Variants in DAPK2 observed in about 807,000 individuals in gnomAD.
DAPK2 encodes death-associated protein kinase 2.
DAPK2 carries 35 observed loss-of-function variants against 44.1 expected under a neutral mutation model. The ratio of observed to expected loss-of-function variants is 0.79; its 90% CI spans 0.61 to 1.05. The LOEUF (loss-of-function observed/expected upper bound fraction) is 1.05, where lower values mean the gene tolerates loss of function less well. DAPK2 is among the 50% of genes least tolerant of loss of function. DAPK2 has a pLI of 0.00. For missense variants in DAPK2, 453 were observed against 483.2 expected (o/e 0.94, Z 0.59); for synonymous variants, 174 against 182.6 (o/e 0.95, Z 0.38).
At position 63,917,807 on chromosome 15, in the gene DAPK2, C is replaced by G. The variant is rs2078967857; in HGVS notation, c.859-5610G>C. 1 of 152,146 alleles carries G rather than the reference C, an allele frequency of 6.6e-6. No homozygotes were observed. Among genetic ancestry groups the G allele is most frequent in the Non-Finnish European group, 1.5e-5 (1 of 68,056 alleles). 9.4% of individuals were successfully genotyped at this position (152,146 alleles called of 1,614,324 possible). ...GTGGGGACGGCGTCCCTGGGAAGGC[C>G]TCTCTTCTCTGCAACCCTCTTACCC... is the stretch of plus-strand genomic sequence containing the variant. On this transcript the variant is annotated intron_variant, in intron 8 of 10. Coordinates refer to ENST00000261891, the Ensembl canonical transcript of DAPK2. This position sits in a 1 kb window ranked among gnomAD's most constrained non-coding sequence, Gnocchi z 4.4.
chr15:64,005,005 A>T (rs1290976837), intron 1 of DAPK2, among the ~76,000 whole-genome samples: 1 of 152,194 alleles, frequency 6.6e-6, no homozygotes, highest in Non-Finnish European at 1.5e-5. Context: ...CTAGCACTTA[A>T]GTAAGGATGA....
chr15:63,911,968 C>T (rs1445614710), exon 10 of DAPK2: 1 of 1,613,882 alleles, frequency 6.2e-7, no homozygotes, highest in East Asian at 2.2e-5. Flanking sequence ...GGTGGTTGCA[C>T]AGGGACACGA....
chr15:63,940,668 T>C (rs1295337641), intron 3 of DAPK2, among the ~76,000 whole-genome samples: 1 of 151,994 alleles, frequency 6.6e-6, no homozygotes, highest in Non-Finnish European at 1.5e-5. Context: ...ACCAAGATCG[T>C]GCCACTGCAC....
At chr15:63,979,555 C>A (rs12911272) in intron 2 of DAPK2, among the ~76,000 whole-genome samples, 142,494 of 152,266 alleles carry the variant, frequency 0.94, 66,706 homozygotes, top group East Asian at 0.98. Flanking sequence ...CTATTAGGGC[C>A]CAGTGAGGAC....
At position 63,980,817 on chromosome 15, in the gene DAPK2, C is replaced by T. The variant is rs189475373; in HGVS notation, c.314+2716G>A. Among the ~76,000 whole-genome samples the T allele has an allele frequency of 2.7e-4, 41 of 152,156 alleles. No individual in the cohort carries two copies. The highest frequency in any genetic ancestry group is 9.2e-4 in the African/African-American group (38 of 41,514). ...TTTAAGACGTGATTGGGTCGGGGTG[C>T]GGTGGCTCACGCCTGTAATCCCAAC... On this transcript the variant is annotated intron_variant, in intron 2 of 10. Transcript: ENST00000261891. This position sits in a 1 kb window ranked among gnomAD's most constrained non-coding sequence, Gnocchi z 4.3.
intron 4 of DAPK2, among the ~76,000 whole-genome samples, chr15:63,938,901 G>A (rs962590320): frequency 6.6e-6 from 1 of 152,160 alleles, no homozygotes; most frequent in Non-Finnish European, 1.5e-5. Context: ...TCAAGAGGGC[G>A]AGGTAATTTT....
intron 4 of DAPK2, among the ~76,000 whole-genome samples, chr15:63,938,768 T>C (rs1433084486): frequency 6.6e-6 from 1 of 152,204 alleles, no homozygotes; most frequent in Non-Finnish European, 1.5e-5. Flanking sequence ...GGCACCCCCA[T>C]GCATGAATAA....
rs1175432400 is a variant in DAPK2, at chr15:64,036,309, GTA to G, written c.92+3859_92+3860del. ...TGTGTGTGTGTGTGTGTGTGTGTGT[GTA>G]TATATATGTATATATATATATATAT... On this transcript the variant is annotated intron_variant, in intron 1 of 10. Coordinates refer to ENST00000261891, the Ensembl canonical transcript of DAPK2. Among the ~76,000 whole-genome samples the G allele has an allele frequency of 4.0e-3, 241 of 60,516 alleles. 6 individuals are homozygous for G. Among genetic ancestry groups the G allele is most frequent in the African/African-American group, 9.1e-3 (224 of 24,616 alleles). The allele number at this position is 60,516 out of a possible 152,430, so 39.7% of individuals were successfully genotyped here.
intron 3 of DAPK2, among the ~76,000 whole-genome samples, chr15:63,945,936 T>G (rs1256474517): frequency 2.0e-5 from 3 of 152,144 alleles, no homozygotes; most frequent in Non-Finnish European, 4.4e-5. Flanking sequence ...CAAGCCAGAG[T>G]GCCCTCTGGG....
chr15:64,005,352 G>C (rs904377088), intron 1 of DAPK2, among the ~76,000 whole-genome samples: 1 of 151,116 alleles, frequency 6.6e-6, no homozygotes, highest in African/African-American at 2.4e-5. Context: ...GTTTGATCAA[G>C]GGTTTGGTAA....
chr15:63,971,556 G>C (rs1567241612), exon 3 of DAPK2: 2 of 1,614,098 alleles, frequency 1.2e-6, no homozygotes. Context: ...CTCTCCTCCA[G>C]ACACTCTGTA....
intron 1 of DAPK2, among the ~76,000 whole-genome samples, chr15:64,001,819 C>T (rs56685343): frequency 0.041 from 6,183 of 152,248 alleles, 424 homozygotes; most frequent in African/African-American, 0.14. Context: ...TTGAGAAGTG[C>T]TGTTTTAGAA....
At chr15:64,019,705 T>C (rs1187968827) in intron 1 of DAPK2, among the ~76,000 whole-genome samples, 1 of 152,214 alleles carries the variant, frequency 6.6e-6, no homozygotes, top group East Asian at 1.9e-4. Context: ...TGTATGTAAG[T>C]ATCCATTCAT....
chr15:63,949,942 A>G (rs553131316), intron 3 of DAPK2, among the ~76,000 whole-genome samples: 9 of 152,160 alleles, frequency 5.9e-5, no homozygotes, highest in Non-Finnish European at 1.3e-4. Context: ...ATGTTCTGAA[A>G]TTTTTTTCCC....
intron 1 of DAPK2, among the ~76,000 whole-genome samples, chr15:64,015,671 T>C (rs1311361957): frequency 6.6e-6 from 1 of 152,090 alleles, no homozygotes; most frequent in Non-Finnish European, 1.5e-5. Flanking sequence ...CCAAATCCAA[T>C]GACAGATGCC....
At chr15:63,965,276 C>G (rs1012597170) in intron 3 of DAPK2, among the ~76,000 whole-genome samples, 1 of 152,220 alleles carries the variant, frequency 6.6e-6, no homozygotes, top group Non-Finnish European at 1.5e-5. Context: ...GAGGCAGAGA[C>G]TCTTGTTCTC....
At chr15:64,016,863 GGAAGGAA>G (rs1481204473) in intron 1 of DAPK2, among the ~76,000 whole-genome samples, 1 of 139,358 alleles carries the variant, frequency 7.2e-6, no homozygotes, top group Non-Finnish European at 1.6e-5. Flanking sequence ...AAGGAAGGAA[GGAAGGAA>G]GGAAGGAAGG....
intron 2 of DAPK2, among the ~76,000 whole-genome samples, chr15:63,983,060 T>C (rs768102120): frequency 1.3e-5 from 2 of 152,160 alleles, no homozygotes; most frequent in Non-Finnish European, 2.9e-5. Context: ...ACAGCACAAA[T>C]GCAGTGGACT....
chr15:64,027,974 C>A (rs2079898759), intron 1 of DAPK2, among the ~76,000 whole-genome samples: 1 of 152,112 alleles, frequency 6.6e-6, no homozygotes, highest in South Asian at 2.1e-4. Flanking sequence ...GGGAAAGTTA[C>A]CTGAATTGGG....
Sources: gnomAD v4.1 joint callset for allele counts (sites outside exome capture counted in the v4.1 genomes callset) on GRCh38, gnomAD v4.1.1 for gene constraint, Gnocchi (gnomAD v3.1) non-coding constraint, MANE v1.5 for transcripts, NCBI Gene and HGNC (gene_info 2026-07-23, HGNC 2026-07-21) for gene names.